Variants in SLC12A1 observed in about 807,000 individuals in gnomAD.
SLC12A1 encodes the protein Na-K-2Cl cotransporter.
Under a neutral mutation model 130.4 loss-of-function variants are expected in SLC12A1, and 89 were observed. The ratio of observed to expected loss-of-function variants is 0.68; its 90% CI spans 0.58 to 0.81. SLC12A1 has a LOEUF of 0.81. SLC12A1 is among the 40% of genes least tolerant of loss of function. The pLI is 0.00. For synonymous variants in SLC12A1, 499 were observed against 460.0 expected (o/e 1.08, Z -1.09); for missense variants, 1,310 against 1,336.4 (o/e 0.98, Z 0.31).
chr15:48,229,106 T>A, intron 5 of SLC12A1, 83 bp from the exon 6 acceptor site: 1 of 1,404,394 alleles, frequency 7.1e-7, no homozygotes, highest in Admixed American at 2.3e-5. Context: ...ATTCACACTG[T>A]AAATGTTCTC....
intron 7 of SLC12A1, among the ~76,000 whole-genome samples, chr15:48,231,666 C>G (rs927677508): frequency 1.1e-4 from 17 of 152,096 alleles, no homozygotes; most frequent in African/African-American, 3.9e-4. Flanking sequence ...TAAAAGAATG[C>G]AGGGAAAGTA....
chr15:48,215,317 T>C (rs1489540173), intron 2 of SLC12A1, among the ~76,000 whole-genome samples: 2 of 152,218 alleles, frequency 1.3e-5, no homozygotes, highest in Non-Finnish European at 2.9e-5. Flanking sequence ...TAATCTGTTA[T>C]CAAGTGGTCT....
At chr15:48,268,279 C>T (rs544279950) in intron 18 of SLC12A1, among the ~76,000 whole-genome samples, 6 of 152,024 alleles carry the variant, frequency 3.9e-5, no homozygotes, top group African/African-American at 7.2e-5. Context: ...TCCTTCATCT[C>T]TGCTATAGTA....
rs755184136 is a variant in SLC12A1, at chr15:48,232,742, C to T, written c.991C>T (p.Leu331=). ...EWEAKAQVIL[L]VILLIAIANF... is the part of the protein sequence containing the mutation. ...TCCATTCCAGGCCCAAGTCATTCTT[C>T]TGGTCATTCTTCTAATTGCTATTGC... Residue 331 remains leucine, a synonymous_variant, in exon 8 of 27, where the codon CTG becomes TTG. Coordinates refer to ENST00000380993, the MANE Select transcript of SLC12A1 (RefSeq NM_000338.3). The T allele has an allele frequency of 6.2e-7, 1 of 1,608,304 alleles. No homozygotes were observed. The highest frequency in any genetic ancestry group is 8.5e-7 in the Non-Finnish European group (1 of 1,174,698).
Position 48,267,832 on chromosome 15 carries a change from TA to T in SLC12A1, c.2295+132del. 3 of 940,384 alleles carry T rather than the reference TA, an allele frequency of 3.2e-6. No homozygotes were observed. The South Asian group carries it at 4.9e-5, about 16-fold the overall frequency. The allele number at this position is 940,384 out of a possible 1,614,324, so 58.3% of individuals were successfully genotyped here. On this transcript the variant is annotated intron_variant, in intron 18 of 26. Transcript: ENST00000380993. ...AGATCAGTGCAGATGGTTAAGGGATTATTTTGAATTCCTGGGTATAGGCAAA... is the reference window on the plus strand; with the variant it reads ...AGATCAGTGCAGATGGTTAAGGGATTTTTTGAATTCCTGGGTATAGGCAAA...
At chr15:48,283,157 A>G (rs1287146800) in intron 20 of SLC12A1, among the ~76,000 whole-genome samples, 1 of 152,204 alleles carries the variant, frequency 6.6e-6, no homozygotes, top group Non-Finnish European at 1.5e-5. Context: ...GCATAAATAT[A>G]CTGCCTATAG....
At chr15:48,302,329 T>C (rs1417493992) in intron 26 of SLC12A1, among the ~76,000 whole-genome samples, 2 of 152,036 alleles carry the variant, frequency 1.3e-5, no homozygotes, top group Non-Finnish European at 2.9e-5. Flanking sequence ...GCGTAAAAAT[T>C]AAGGCTGCCG....
chr15:48,268,319 C>A (rs1218637361), intron 18 of SLC12A1, among the ~76,000 whole-genome samples: 1 of 152,030 alleles, frequency 6.6e-6, no homozygotes, highest in Admixed American at 6.6e-5. Context: ...TAGTTCTGAT[C>A]GTCATAATTT....
At chr15:48,219,617 A>T (rs1291352458) in intron 2 of SLC12A1, among the ~76,000 whole-genome samples, 1 of 152,022 alleles carries the variant, frequency 6.6e-6, no homozygotes, top group Admixed American at 6.6e-5. Context: ...AGAGAGAGAG[A>T]AGGAAAGAAA....
At chr15:48,262,297 C>T (rs570219078) in intron 17 of SLC12A1, among the ~76,000 whole-genome samples, 3 of 152,236 alleles carry the variant, frequency 2.0e-5, no homozygotes, top group South Asian at 2.1e-4. Flanking sequence ...GCTTTAAGTG[C>T]TGTTACATTA....
chr15:48,301,304 G>A lies in SLC12A1; in HGVS notation c.3097-11G>A. 6.3e-7 allele frequency: 1 copy of A among 1,589,790 alleles called. No individual in the cohort carries two copies. On this transcript the variant is annotated splice_polypyrimidine_tract_variant and intron_variant, in intron 25 of 26. Transcript: ENST00000380993. ...AGAACTGTACTCAACAAATCTGAAT[G>A]TTGCCCACAGAGTTACCGCCAAGTT...
At chr15:48,284,014 T>G (rs2042033247) in intron 20 of SLC12A1, among the ~76,000 whole-genome samples, 1 of 152,144 alleles carries the variant, frequency 6.6e-6, no homozygotes, top group African/African-American at 2.4e-5. Context: ...ACAATCGGAA[T>G]CCAAAAAAGA....
At chr15:48,244,571 T>TA (rs1419106913) in intron 10 of SLC12A1, among the ~76,000 whole-genome samples, 182 bp from the exon 11 acceptor site, 2 of 152,198 alleles carry the variant, frequency 1.3e-5, no homozygotes, top group Non-Finnish European at 2.9e-5. Flanking sequence ...GGCAGCCTGT[T>TA]ACAGAAAACG....
intron 26 of SLC12A1, 82 bp from the exon 27 acceptor site, chr15:48,302,654 AGGCTGCCAGTTATT>A (rs2042248913): frequency 1.8e-6 from 1 of 552,008 alleles, no homozygotes; most frequent in African/African-American, 2.0e-5. Flanking sequence ...AAAAAAATTA[AGGCTGCCAGTTATT>A]AAATAGCTCA....
At position 48,208,061 on chromosome 15, in the gene SLC12A1, C is replaced by CT. The variant is rs771655708; in HGVS notation, c.343dup (p.Tyr115LeufsTer3). 6.2e-7 allele frequency: 1 copy of CT among 1,613,918 alleles called. No individual in the cohort carries two copies. ...TGGATGCCGTTCCCAAGATAGAGTACTATCGTAACACCGGCAGCATCAGTG... is the reference window on the plus strand; with the variant it reads ...TGGATGCCGTTCCCAAGATAGAGTACTTATCGTAACACCGGCAGCATCAGTG... On this transcript the variant is annotated frameshift_variant, in exon 2 of 27. Coordinates refer to ENST00000380993, the MANE Select transcript of SLC12A1 (RefSeq NM_000338.3). LOFTEE classifies it high-confidence loss of function.
At chr15:48,252,362 G>A (rs2041658060) in intron 15 of SLC12A1, among the ~76,000 whole-genome samples, 2 of 152,180 alleles carry the variant, frequency 1.3e-5, no homozygotes, top group African/African-American at 2.4e-5. Context: ...TAATAATCAA[G>A]ATGTGATGGA....
intron 17 of SLC12A1, among the ~76,000 whole-genome samples, chr15:48,266,445 C>T (rs1597440830): frequency 6.9e-6 from 1 of 144,442 alleles, no homozygotes; most frequent in Admixed American, 6.9e-5. Context: ...AAAGCCTGGG[C>T]TTTTTTTTTT....
chr15:48,295,445 GA>G (rs2042168224), intron 24 of SLC12A1, among the ~76,000 whole-genome samples: 1 of 152,066 alleles, frequency 6.6e-6, no homozygotes, highest in South Asian at 2.1e-4. Context: ...TGAGGAGGCT[GA>G]TGTACCTCTT....
At chr15:48,216,551 C>T (rs1181076465) in intron 2 of SLC12A1, among the ~76,000 whole-genome samples, 2 of 152,060 alleles carry the variant, frequency 1.3e-5, no homozygotes, top group African/African-American at 4.8e-5. Context: ...GCAACTAAGG[C>T]TGTGTCTCTT....
Sources: gnomAD v4.1 joint callset for allele counts (sites outside exome capture counted in the v4.1 genomes callset) on GRCh38, gnomAD v4.1.1 for gene constraint, MANE v1.5 for transcripts, NCBI Gene and HGNC (gene_info 2026-07-23, HGNC 2026-07-21) for gene names.